ALDH1A3: variants seen among roughly 807,000 people sequenced by gnomAD.
The protein encoded by ALDH1A3 is retinaldehyde dehydrogenase 3.
Under a neutral mutation model 57.5 loss-of-function variants are expected in ALDH1A3, and 28 were observed. The ratio of observed to expected loss-of-function variants is 0.49; its 90% confidence interval spans 0.36 to 0.67. The LOEUF (loss-of-function observed/expected upper bound fraction) is 0.67, where lower values mean the gene tolerates loss of function less well. ALDH1A3 is among the 30% of genes least tolerant of loss of function. ALDH1A3 has a pLI of 0.00. For missense variants in ALDH1A3, 507 were observed against 669.4 expected (o/e 0.76, Z 2.68); for synonymous variants, 281 against 264.8 (o/e 1.06, Z -0.59).
At chr15:100,903,387 C>A (rs960045784) in intron 9 of ALDH1A3, among the ~76,000 whole-genome samples, 34 of 152,146 alleles carry the variant, frequency 2.2e-4, no homozygotes, top group African/African-American at 8.0e-4. Context: ...TGGGAACCTG[C>A]CTGATTCTTT....
chr15:100,881,951 T>C (rs1486869105), intron 1 of ALDH1A3, among the ~76,000 whole-genome samples: 1 of 152,150 alleles, frequency 6.6e-6, no homozygotes, highest in Non-Finnish European at 1.5e-5. Context: ...TCAGGGAGAC[T>C]GGACTGGAGA....
chr15:100,898,237 C>G, intron 8 of ALDH1A3, 52 bp downstream of exon 8: 4 of 1,498,292 alleles, frequency 2.7e-6, no homozygotes, highest in Non-Finnish European at 3.7e-6. Context: ...ATCCATCTGT[C>G]TCCCCCTACT....
chr15:100,884,338 A>C (rs565768434), intron 1 of ALDH1A3, among the ~76,000 whole-genome samples: 1 of 152,250 alleles, frequency 6.6e-6, no homozygotes, highest in Non-Finnish European at 1.5e-5. Flanking sequence ...GTTTCAGTGC[A>C]TGGACTTCGT....
intron 4 of ALDH1A3, 152 bp downstream of exon 4, chr15:100,892,791 C>A: frequency 7.4e-7 from 1 of 1,347,776 alleles, no homozygotes; most frequent in Non-Finnish European, 1.0e-6. Flanking sequence ...CTAAGAACTT[C>A]ACTTTTAAAG....
At position 100,893,948 on chromosome 15, in the gene ALDH1A3, T is replaced by G; in HGVS notation, c.538-6T>G. 1 of 1,613,978 alleles carries G rather than the reference T, an allele frequency of 6.2e-7. No individual in the cohort carries two copies. The highest frequency in any genetic ancestry group is 8.5e-7 in the Non-Finnish European group (1 of 1,179,904). On this transcript the variant is annotated splice_region_variant and splice_polypyrimidine_tract_variant and intron_variant, in intron 5 of 12. Coordinates refer to ENST00000329841, the MANE Select transcript of ALDH1A3 (RefSeq NM_000693.4). This position sits in a 1 kb window ranked among gnomAD's most constrained non-coding sequence, Gnocchi z 4.8. ...GGGCCTCCAAAGCCCCTGTGCTCTGTCGCAGTGGAACTTCCCCCTGCTGAT... is the reference window on the plus strand; with the variant it reads ...GGGCCTCCAAAGCCCCTGTGCTCTGGCGCAGTGGAACTTCCCCCTGCTGAT...
chr15:100,901,983 C>T lies in ALDH1A3; in HGVS notation c.1068+1224C>T, dbSNP rs150509357. ...TGCCTGCCCAGCCTGTGCCCCAAAC[C>T]CAGCGGTCAGTGACACAAGGTTGTC... On this transcript the variant is annotated intron_variant, in intron 9 of 12. Coordinates refer to ENST00000329841, the MANE Select transcript of ALDH1A3 (RefSeq NM_000693.4). Among the ~76,000 whole-genome samples the T allele has an allele frequency of 7.8e-3, 1,191 of 152,332 alleles. 25 individuals are homozygous for T. Among genetic ancestry groups the T allele is most frequent in the African/African-American group, 0.027 (1,123 of 41,552 alleles).
At chr15:100,899,574 C>T (rs1283856851) in intron 8 of ALDH1A3, among the ~76,000 whole-genome samples, 1 of 152,156 alleles carries the variant, frequency 6.6e-6, no homozygotes, top group African/African-American at 2.4e-5. Context: ...GGTAACAAGC[C>T]ACCATTCCCC....
chr15:100,898,060 G>T, intron 7 of ALDH1A3, 23 bp from the exon 8 acceptor site: 1 of 1,606,470 alleles, frequency 6.2e-7, no homozygotes, highest in Non-Finnish European at 8.5e-7. Flanking sequence ...AAGGTAAATT[G>T]TGATCTGTGT....
Position 100,898,192 on chromosome 15 carries a change from C to A in ALDH1A3, c.883+7C>A. 6.2e-7 allele frequency: 1 copy of A among 1,612,550 alleles called. No homozygotes were observed. Among genetic ancestry groups the A allele is most frequent in the South Asian group, 1.1e-5 (1 of 90,832 alleles). On this transcript the variant is annotated splice_region_variant and intron_variant, in intron 8 of 12. Coordinates refer to ENST00000329841, the MANE Select transcript of ALDH1A3 (RefSeq NM_000693.4). Reference sequence around the variant, plus strand: ...GTGTGTGCGGACGCTGACTGTGAGTCTCTGCCCTCCTGGGCTTTGCTGGGG... The same window carrying A: ...GTGTGTGCGGACGCTGACTGTGAGTATCTGCCCTCCTGGGCTTTGCTGGGG...
At chr15:100,883,510 G>A (rs917066895) in intron 1 of ALDH1A3, among the ~76,000 whole-genome samples, 2 of 152,162 alleles carry the variant, frequency 1.3e-5, no homozygotes, top group East Asian at 1.9e-4. Flanking sequence ...AATGGTGACC[G>A]ATGCTCTCAG....
chr15:100,892,376 G>C (rs1049003914), intron 3 of ALDH1A3, 134 bp from the exon 4 acceptor site: 8 of 1,147,200 alleles, frequency 7.0e-6, no homozygotes, highest in Non-Finnish European at 9.9e-6. Flanking sequence ...TTTCTGAAGA[G>C]GTGCATCTGA....
intron 9 of ALDH1A3, among the ~76,000 whole-genome samples, chr15:100,902,231 C>T (rs4646678): frequency 0.16 from 24,425 of 152,104 alleles, 2,552 homozygotes; most frequent in East Asian, 0.44. Context: ...AGGCCAGATA[C>T]ACCGATTTCT....
At position 100,887,430 on chromosome 15, in the gene ALDH1A3, C is replaced by T; in HGVS notation, c.205-142C>T. The T allele has an allele frequency of 1.0e-6, 1 of 963,788 alleles. No individual in the cohort carries two copies. Among genetic ancestry groups the T allele is most frequent in the Non-Finnish European group, 1.5e-6 (1 of 666,092 alleles). The allele number at this position is 963,788 out of a possible 1,614,324, so 59.7% of individuals were successfully genotyped here. On this transcript the variant is annotated intron_variant, in intron 2 of 12. Coordinates refer to ENST00000329841, the MANE Select transcript of ALDH1A3 (RefSeq NM_000693.4). This position sits in a 1 kb window ranked among gnomAD's most constrained non-coding sequence, Gnocchi z 4.6. ...GTCACTTCAAAAGATGACACCCAAA[C>T]TGCAGTCACGTCAAAAGATGACACC...
chr15:100,881,808 C>G (rs1422401878), intron 1 of ALDH1A3, among the ~76,000 whole-genome samples: 1 of 152,164 alleles, frequency 6.6e-6, no homozygotes, highest in Non-Finnish European at 1.5e-5. Flanking sequence ...GGCTCCTCAC[C>G]CGTTGGGGGA....
At chr15:100,898,270 A>G in intron 8 of ALDH1A3, 85 bp downstream of exon 8, 2 of 1,213,214 alleles carry the variant, frequency 1.6e-6, no homozygotes, top group East Asian at 2.4e-5. Context: ...TTCAAAACCA[A>G]CTGAGAGTAA....
chr15:100,880,915 T>G (rs1265517076), intron 1 of ALDH1A3: 3 of 152,296 alleles, frequency 2.0e-5, no homozygotes, highest in African/African-American at 7.2e-5. Flanking sequence ...GGCGTGCGCG[T>G]CTGTCGTGGG....
chr15:100,886,128 G>C (rs550973621), intron 2 of ALDH1A3, among the ~76,000 whole-genome samples: 1 of 152,358 alleles, frequency 6.6e-6, no homozygotes, highest in African/African-American at 2.4e-5. Flanking sequence ...GCAGTGAAGG[G>C]CGTGTGCAGA....
At position 100,915,706 on chromosome 15, in the gene ALDH1A3, T is replaced by C. The variant is rs2041924626; in HGVS notation, c.*933T>C. ...ATAAGTCTGTGTAGTCTTCCTTTTC[T>C]CCAGTTCTGTTACCCAATTTAGATT... is the stretch of plus-strand genomic sequence containing the variant. On this transcript the variant is annotated 3_prime_UTR_variant, in exon 13 of 13. Transcript: ENST00000329841. 6.6e-6 allele frequency: 1 copy of C among 152,222 alleles called. No homozygotes were observed. The highest frequency in any genetic ancestry group is 2.1e-4 in the South Asian group (1 of 4,830). 9.4% of individuals were successfully genotyped at this position (152,222 alleles called of 1,614,324 possible).
chr15:100,879,891 G>C lies in ALDH1A3; in HGVS notation c.-17G>C, dbSNP rs927289666. 2 of 1,398,348 alleles carry C rather than the reference G, an allele frequency of 1.4e-6. No individual in the cohort carries two copies. The highest frequency in any genetic ancestry group is 1.9e-6 in the Non-Finnish European group (2 of 1,070,402). The allele number at this position is 1,398,348 out of a possible 1,614,324, so 86.6% of individuals were successfully genotyped here. ...CCGCAGACTAGGGCGCCTCGGGCCA[G>C]GGAGCGCGGAGGAGCCATGGCCACC... On this transcript the variant is annotated 5_prime_UTR_variant, in exon 1 of 13. Coordinates refer to ENST00000329841, the MANE Select transcript of ALDH1A3 (RefSeq NM_000693.4).
Sources: gnomAD v4.1 joint callset for allele counts (sites outside exome capture counted in the v4.1 genomes callset) on GRCh38, gnomAD v4.1.1 for gene constraint, Gnocchi (gnomAD v3.1) non-coding constraint, MANE v1.5 for transcripts, NCBI Gene and HGNC (gene_info 2026-07-23, HGNC 2026-07-21) for gene names.